CNMD: variants seen among roughly 807,000 people sequenced by gnomAD.
The protein encoded by CNMD is chondromodulin.
A neutral mutation model predicts 37.5 loss-of-function variants in CNMD; 30 were observed. That is an observed-to-expected ratio of 0.80 (90% CI 0.60 to 1.09). The LOEUF is 1.09. CNMD is among the 50% of genes least tolerant of loss of function. The pLI is 0.00. For missense variants in CNMD, 398 were observed against 423.9 expected (o/e 0.94, Z 0.54); for synonymous variants, 167 against 148.2 (o/e 1.13, Z -0.92).
At chr13:52,708,508 AATC>A (rs1368601459) in intron 6 of CNMD, 25 bp downstream of exon 6, 3 of 1,597,398 alleles carry the variant, frequency 1.9e-6, no homozygotes, top group Non-Finnish European at 2.6e-6. Flanking sequence ...GCATTTGTCT[AATC>A]ATGTCAAAAA....
At position 52,733,311 on chromosome 13, in the gene CNMD, C is replaced by T; in HGVS notation, c.262G>A (p.Gly88Arg). The T allele has an allele frequency of 1.9e-6, 3 of 1,613,660 alleles. No homozygotes were observed. The highest frequency in any genetic ancestry group is 2.5e-6 in the Non-Finnish European group (3 of 1,179,634). Residue 88 changes from glycine (G) to arginine (R), a missense_variant, in exon 3 of 7, where the codon GGG (glycine) becomes AGG (arginine). Transcript: ENST00000377962. Reference sequence around the variant, plus strand: ...TTCCCAGCGTCTATTTCCATTGACCCATCTTGTAATTTCCCATTGATACTC... The same window carrying T: ...TTCCCAGCGTCTATTTCCATTGACCTATCTTGTAATTTCCCATTGATACTC... ...TMSINGKLQD[G>R]SMEIDAGNNL...
intron 6 of CNMD, among the ~76,000 whole-genome samples, chr13:52,707,185 C>T (rs1245962204): frequency 6.6e-6 from 1 of 152,170 alleles, no homozygotes; most frequent in African/African-American, 2.4e-5. Context: ...TGAGCCACCG[C>T]GCCCAGCCTG....
chr13:52,703,859 C>A, intron 6 of CNMD, 49 bp from the exon 7 acceptor site: 1 of 1,468,380 alleles, frequency 6.8e-7, no homozygotes, highest in South Asian at 1.2e-5. Context: ...GTGGGAAGGT[C>A]ATAGCATGCA....
At chr13:52,735,639 T>C (rs1964744671) in intron 2 of CNMD, among the ~76,000 whole-genome samples, 1 of 148,392 alleles carries the variant, frequency 6.7e-6, no homozygotes, top group South Asian at 2.2e-4. Context: ...ACACATAAAA[T>C]ACACTAACAC....
intron 3 of CNMD, among the ~76,000 whole-genome samples, chr13:52,728,139 G>A (rs570579803): frequency 1.6e-4 from 24 of 152,266 alleles, no homozygotes; most frequent in African/African-American, 5.5e-4. Context: ...TGTAATCCCA[G>A]CACTTTGGGA....
intron 5 of CNMD, among the ~76,000 whole-genome samples, chr13:52,712,380 A>T (rs531961724): frequency 6.8e-6 from 1 of 147,104 alleles, no homozygotes; most frequent in South Asian, 2.1e-4. Flanking sequence ...CCTTAGAAAT[A>T]AAAAAAATGT....
chr13:52,712,042 A>G (rs146743105), intron 5 of CNMD, among the ~76,000 whole-genome samples: 1 of 152,320 alleles, frequency 6.6e-6, no homozygotes, highest in Non-Finnish European at 1.5e-5. Flanking sequence ...GAGCTACAAA[A>G]TAGGCCTTTG....
chr13:52,705,096 G>A (rs1369616613), intron 6 of CNMD, among the ~76,000 whole-genome samples: 2 of 151,858 alleles, frequency 1.3e-5, no homozygotes, highest in Non-Finnish European at 2.9e-5. Flanking sequence ...GGAGAGTAGA[G>A]AAAATTATAG....
chr13:52,712,692 G>T, intron 5 of CNMD, 24 bp downstream of exon 5: 2 of 1,460,664 alleles, frequency 1.4e-6, no homozygotes, highest in Non-Finnish European at 1.8e-6. Flanking sequence ...GTTGTAAACA[G>T]CTTAAGATAA....
intron 4 of CNMD, among the ~76,000 whole-genome samples, chr13:52,717,099 CTT>C (rs1964403070): frequency 1.3e-5 from 2 of 152,084 alleles, no homozygotes; most frequent in Admixed American, 6.6e-5. Context: ...ATTTTATTCT[CTT>C]TTAGCAACTG....
chr13:52,713,798 C>T (rs1964328108), intron 4 of CNMD, among the ~76,000 whole-genome samples: 2 of 152,256 alleles, frequency 1.3e-5, no homozygotes, highest in East Asian at 3.9e-4. Context: ...CATAAATCTA[C>T]CCCATCTTAG....
intron 4 of CNMD, among the ~76,000 whole-genome samples, chr13:52,718,776 G>T (rs1315061054): frequency 6.6e-6 from 1 of 151,250 alleles, no homozygotes; most frequent in Non-Finnish European, 1.5e-5. Context: ...TAATTGTGAT[G>T]TGGTGCTGAG....
intron 4 of CNMD, among the ~76,000 whole-genome samples, chr13:52,719,014 T>C (rs1392242134): frequency 6.6e-6 from 1 of 152,206 alleles, no homozygotes; most frequent in Non-Finnish European, 1.5e-5. Context: ...GGTGCTCCTA[T>C]ATTGGGTGCA....
intron 4 of CNMD, among the ~76,000 whole-genome samples, chr13:52,713,704 C>T (rs1384426953): frequency 6.6e-6 from 1 of 152,162 alleles, no homozygotes; most frequent in East Asian, 1.9e-4. Context: ...TAAATGGCTC[C>T]ATCCAGGAAA....
intron 3 of CNMD, among the ~76,000 whole-genome samples, chr13:52,732,835 T>C (rs935338160): frequency 1.3e-5 from 2 of 152,216 alleles, no homozygotes; most frequent in Admixed American, 6.5e-5. Context: ...CTCTTTTCAA[T>C]GCTATGGTAT....
chr13:52,730,559 TTC>T (rs1964648474), intron 3 of CNMD, among the ~76,000 whole-genome samples: 1 of 152,152 alleles, frequency 6.6e-6, no homozygotes, highest in Admixed American at 6.5e-5. Context: ...TGATTTGCAT[TTC>T]TCTGATGGCC....
At chr13:52,718,442 G>A (rs555845711) in intron 4 of CNMD, among the ~76,000 whole-genome samples, 2,590 of 152,080 alleles carry the variant, frequency 0.017, 27 homozygotes, top group Non-Finnish European at 0.028. Flanking sequence ...TAGGGTGTCA[G>A]TTTTAGATCT....
rs188214141 is a variant in CNMD at position 52,736,840 on chromosome 13, G to A, written c.213+2191C>T. ...AATGATCTCCTTCCCTCATCTCACA[G>A]GGTGGGGTTGTCAGTTATCTCATAT... On this transcript the variant is annotated intron_variant, in intron 2 of 6. Transcript: ENST00000377962. Among the ~76,000 whole-genome samples the A allele has an allele frequency of 2.6e-5, 4 of 152,302 alleles. No homozygotes were observed. In the East Asian group the frequency reaches 7.7e-4, roughly 29 times the overall value.
In CNMD at chr13:52,739,045, C is replaced by T; in HGVS notation, c.199G>A (p.Gly67Arg). 6.3e-7 allele frequency: 1 copy of T among 1,579,660 alleles called. No homozygotes were observed. Among genetic ancestry groups the T allele is most frequent in the Non-Finnish European group, 8.6e-7 (1 of 1,166,224 alleles). ...TCTGGACTTACGTGACTGTCGCTCC[C>T]CTTCCAGAAGTAGAAGGCCCCGATG... ...GAIGAFYFWKGSDSHIYNVHY... is the reference protein window; with the variant it reads ...GAIGAFYFWKRSDSHIYNVHY... The change falls in exon 2 of 7, where the codon GGG becomes AGG. Residue 67 changes from glycine to arginine, a missense_variant. Gly to Arg is a moderately radical substitution (Grantham distance 125, BLOSUM62 -2). Transcript: ENST00000377962. This position sits in a 1 kb window ranked among gnomAD's most constrained non-coding sequence, Gnocchi z 5.4.
Sources: allele counts gnomAD v4.1 joint callset (sites outside exome capture counted in the v4.1 genomes callset), GRCh38; gene constraint gnomAD v4.1.1; non-coding constraint Gnocchi (gnomAD v3.1); transcripts MANE v1.5; gene names NCBI Gene and HGNC (gene_info 2026-07-23, HGNC 2026-07-21).